Variants in TSGA10 observed in about 807,000 individuals in gnomAD.
TSGA10 encodes the protein testis specific 10.
TSGA10 carries 43 observed loss-of-function variants against 96.6 expected under a neutral mutation model. That is an observed-to-expected ratio of 0.44 (90% CI 0.35 to 0.57). TSGA10 has a LOEUF of 0.57. TSGA10 is among the 20% of genes least tolerant of loss of function. The pLI is 0.01. For synonymous variants in TSGA10, 229 were observed against 269.9 expected, an observed-to-expected ratio of 0.85 and a Z score of 1.48; for missense variants, 703 against 834.4, an observed-to-expected ratio of 0.84 and a Z score of 1.94.
At chr2:99,118,281 T>A (rs181776174) in intron 3 of TSGA10, among the ~76,000 whole-genome samples, 1,847 of 151,522 alleles carry the variant, frequency 0.012, 41 homozygotes, top group African/African-American at 0.042. Context: ...TGAAACCCCA[T>A]CTCTACTAAA....
At chr2:99,071,138 C>CATTT (rs1277044611) in intron 14 of TSGA10, among the ~76,000 whole-genome samples, 1 of 152,064 alleles carries the variant, frequency 6.6e-6, no homozygotes, top group African/African-American at 2.4e-5. Context: ...TGGGGAAAAC[C>CATTT]ATTTGGTCTT....
chr2:99,120,302 A>G (rs1342570403), intron 2 of TSGA10, among the ~76,000 whole-genome samples: 3 of 152,136 alleles, frequency 2.0e-5, no homozygotes, highest in African/African-American at 7.2e-5. Context: ...TTCCAAGACA[A>G]AAGTACTTTA....
intron 16 of TSGA10, among the ~76,000 whole-genome samples, chr2:99,044,717 C>T (rs1043867708): frequency 1.3e-5 from 2 of 152,174 alleles, no homozygotes; most frequent in African/African-American, 2.4e-5. Flanking sequence ...TCCAAATCAA[C>T]AGAATATACA....
chr2:99,006,864 T>C (rs2078528335), intron 20 of TSGA10, among the ~76,000 whole-genome samples: 1 of 152,200 alleles, frequency 6.6e-6, no homozygotes. Context: ...ATTGTGGCAC[T>C]ATTCACAATA....
intron 16 of TSGA10, among the ~76,000 whole-genome samples, chr2:99,064,519 C>A (rs1192780083): frequency 6.6e-6 from 1 of 152,058 alleles, no homozygotes; most frequent in Non-Finnish European, 1.5e-5. Flanking sequence ...GTTAGACACA[C>A]TGACAGGAAA....
At chr2:99,116,157 T>C (rs1443322292) in intron 4 of TSGA10, among the ~76,000 whole-genome samples, 5 of 152,216 alleles carry the variant, frequency 3.3e-5, no homozygotes, top group East Asian at 1.9e-4. Flanking sequence ...ACAGACACAA[T>C]TTACTAATTT....
At chr2:99,020,728 A>C (rs917208565) in intron 17 of TSGA10, among the ~76,000 whole-genome samples, 6 of 152,012 alleles carry the variant, frequency 3.9e-5, no homozygotes, top group African/African-American at 1.4e-4. Flanking sequence ...TTAATTTCAA[A>C]CTGCAACCAG....
rs2077584980 is a variant in TSGA10, at chr2:98,997,875, T to C, written c.*322A>G. On this transcript the variant is annotated 3_prime_UTR_variant, in exon 21 of 21. Transcript: ENST00000393483. ...CCAAGAAAGGAAAGGAAAGCAGTTTTGTAAAAACACTTTTCCCTGTTTTAA... is the reference window on the plus strand; with the variant it reads ...CCAAGAAAGGAAAGGAAAGCAGTTTCGTAAAAACACTTTTCCCTGTTTTAA... The C allele has an allele frequency of 4.4e-6, 1 of 228,574 alleles. No individual in the cohort carries two copies. Among genetic ancestry groups the C allele is most frequent in the Admixed American group, 5.6e-5 (1 of 17,724 alleles). 14.2% of individuals were successfully genotyped at this position (228,574 alleles called of 1,614,324 possible).
chr2:99,005,875 T>G (rs961217845), intron 20 of TSGA10, among the ~76,000 whole-genome samples: 9 of 152,030 alleles, frequency 5.9e-5, no homozygotes, highest in Non-Finnish European at 1.0e-4. Context: ...AGGCATCACG[T>G]TACCTGACTT....
chr2:99,063,267 G>T (rs960302312), intron 16 of TSGA10, among the ~76,000 whole-genome samples: 9 of 152,126 alleles, frequency 5.9e-5, no homozygotes, highest in Admixed American at 1.3e-4. Flanking sequence ...ACATTTAGAA[G>T]AACTTTTAAA....
intron 17 of TSGA10, among the ~76,000 whole-genome samples, chr2:99,023,461 T>C (rs945505935): frequency 6.6e-6 from 1 of 152,198 alleles, no homozygotes. Flanking sequence ...GTGTTTTTGA[T>C]GTGTATTTAA....
chr2:99,076,832 C>T (rs1257517994), intron 12 of TSGA10, among the ~76,000 whole-genome samples: 1 of 152,104 alleles, frequency 6.6e-6, no homozygotes, highest in Non-Finnish European at 1.5e-5. Flanking sequence ...ACTATCTAGT[C>T]ATTCTCCTGA....
At chr2:99,009,485 T>C (rs886752445) in intron 20 of TSGA10, among the ~76,000 whole-genome samples, 1 of 141,022 alleles carries the variant, frequency 7.1e-6, no homozygotes, top group African/African-American at 2.7e-5. Flanking sequence ...GGCAGGAGAA[T>C]GGCGTGAACC....
intron 17 of TSGA10, among the ~76,000 whole-genome samples, chr2:99,029,504 G>A (rs1292383298): frequency 6.6e-6 from 1 of 152,044 alleles, no homozygotes; most frequent in South Asian, 2.1e-4. Flanking sequence ...GGAGAATGAA[G>A]GTGGCAATAT....
In TSGA10 at chr2:99,064,846, G is replaced by A. The variant is rs1017686992; in HGVS notation, c.1404+93C>T. 21 of 1,027,178 alleles carry A rather than the reference G, an allele frequency of 2.0e-5. 1 individual carries two copies. Among genetic ancestry groups the A allele is most frequent in the African/African-American group, 6.5e-5 (4 of 61,924 alleles). 63.6% of individuals were successfully genotyped at this position (1,027,178 alleles called of 1,614,324 possible). ...TTCACAGTACATTTAAATAATTTACGTGTTTGTTCATACATTTAATTTATG... is the reference window on the plus strand; with the variant it reads ...TTCACAGTACATTTAAATAATTTACATGTTTGTTCATACATTTAATTTATG... On this transcript the variant is annotated intron_variant, in intron 16 of 20. Transcript: ENST00000393483.
At chr2:99,152,106 G>A (rs1295460105) in intron 1 of TSGA10, among the ~76,000 whole-genome samples, 2 of 152,180 alleles carry the variant, frequency 1.3e-5, no homozygotes, top group African/African-American at 4.8e-5. Context: ...CACCTAGCCT[G>A]GCACTGTGCT....
chr2:99,108,809 ATAATT>A lies in TSGA10; in HGVS notation c.210+19_210+23del, dbSNP rs1440185755. On this transcript the variant is annotated intron_variant, in intron 7 of 20. Coordinates refer to ENST00000393483, the MANE Select transcript of TSGA10 (RefSeq NM_025244.4). The stretch of plus-strand genomic sequence containing the variant: ...TCTAGAACTCAATGTTATTACTTAT[ATAATT>A]TGTTTTTTGTAAGTTTACCTGTTCA... The A allele has an allele frequency of 6.7e-7, 1 of 1,488,480 alleles. No individual in the cohort carries two copies. Among genetic ancestry groups the A allele is most frequent in the Non-Finnish European group, 9.0e-7 (1 of 1,114,934 alleles). The allele number at this position is 1,488,480 out of a possible 1,614,324, so 92.2% of individuals were successfully genotyped here.
intron 18 of TSGA10, among the ~76,000 whole-genome samples, chr2:99,019,655 G>T (rs960216761): frequency 1.3e-5 from 2 of 152,128 alleles, no homozygotes; most frequent in Non-Finnish European, 2.9e-5. Context: ...GATGGGACAG[G>T]TAAGAACAGG....
At chr2:99,133,513 CA>C (rs2093194091) in intron 1 of TSGA10, among the ~76,000 whole-genome samples, 1 of 152,190 alleles carries the variant, frequency 6.6e-6, no homozygotes, top group Non-Finnish European at 1.5e-5. Context: ...GAATACAACA[CA>C]ACAATGGGTC....
Sources: gnomAD v4.1 joint callset for allele counts (sites outside exome capture counted in the v4.1 genomes callset) on GRCh38, gnomAD v4.1.1 for gene constraint, MANE v1.5 for transcripts, NCBI Gene and HGNC (gene_info 2026-07-23, HGNC 2026-07-21) for gene names.